The following ANKRD17 variants were observed in gnomAD, a reference collection of about 807,000 sequenced individuals.
The protein encoded by ANKRD17 is ankyrin repeat domain 17, also known as ankyrin repeat domain-containing protein 17.
ANKRD17 carries 19 observed loss-of-function variants against 229.7 expected under a neutral mutation model. The ratio of observed to expected loss-of-function variants is 0.08; its 90% CI spans 0.06 to 0.12. ANKRD17 has a LOEUF of 0.12. Among genes scored for constraint, ANKRD17 ranks in the 10% least tolerant of loss-of-function variants. The pLI is 1.00. For missense variants in ANKRD17, 2,176 were observed against 3,176.8 expected (o/e 0.68, Z 7.57); for synonymous variants, 1,112 against 1,146.1 (o/e 0.97, Z 0.60).
rs150884765 is a variant in ANKRD17, at chr4:73,098,075, T to C, written c.5019A>G (p.Ile1673Met). The C allele has an allele frequency of 6.3e-7, 1 of 1,590,558 alleles. No homozygotes were observed. Among genetic ancestry groups the C allele is most frequent in the East Asian group, 2.2e-5 (1 of 44,452 alleles). ...TGAAAATAAAAATTGGAACTAACTT[T>C]ATTGAAGCCTTGCCAGAAACAGATT... ...ERKSVSGKAS[I>M]KLSETISEGT... is the part of the protein sequence containing the mutation. The change falls in exon 26 of 34, where the codon ATA becomes ATG. Residue 1673 changes from isoleucine to methionine, a missense_variant and splice_region_variant. Physicochemically the swap from Ile to Met is conservative, Grantham distance 10. This residue lies in a region of ANKRD17 where 98 missense variants were observed against 101.0 expected (regional missense o/e 0.97). Coordinates refer to ENST00000358602, the MANE Select transcript of ANKRD17 (RefSeq NM_032217.5).
intron 17 of ANKRD17, 34 bp downstream of exon 17, chr4:73,125,167 G>T (rs1399295603): frequency 1.3e-6 from 2 of 1,588,230 alleles, no homozygotes; most frequent in East Asian, 4.5e-5. Flanking sequence ...TTTTTGACCA[G>T]TATTCCAAAA....
chr4:73,169,334 C>T lies in ANKRD17; in HGVS notation c.548-7986G>A, dbSNP rs528479876. Among the ~76,000 whole-genome samples the T allele has an allele frequency of 2.0e-4, 31 of 152,212 alleles. 1 individual carries two copies. The South Asian group carries it at 5.6e-3, about 28-fold the overall frequency. ...TAAACAGTGAGTGGGAGGGACTGTA[C>T]ATCATGGTTTGAGTGCCAGCTAAGA... is the stretch of plus-strand genomic sequence containing the variant. On this transcript the variant is annotated intron_variant, in intron 2 of 33. Transcript: ENST00000358602.
chr4:73,111,414 G>A (rs1156689041), intron 24 of ANKRD17, among the ~76,000 whole-genome samples: 7 of 152,172 alleles, frequency 4.6e-5, no homozygotes, highest in East Asian at 1.9e-4. Flanking sequence ...AGGTGGGACA[G>A]AAAAGGACGG....
intron 1 of ANKRD17, among the ~76,000 whole-genome samples, chr4:73,233,116 T>C (rs374518240): frequency 2.6e-5 from 4 of 152,172 alleles, no homozygotes; most frequent in South Asian, 2.1e-4. Flanking sequence ...CCATAAGTCT[T>C]GTTACCCTCC....
intron 1 of ANKRD17, among the ~76,000 whole-genome samples, chr4:73,248,376 A>G (rs1744690016): frequency 6.6e-6 from 1 of 152,058 alleles, no homozygotes; most frequent in Non-Finnish European, 1.5e-5. Flanking sequence ...AAATGAACAT[A>G]GATGCCCCAA....
chr4:73,254,866 A>G (rs1393145676), intron 1 of ANKRD17, among the ~76,000 whole-genome samples: 1 of 152,088 alleles, frequency 6.6e-6, no homozygotes, highest in Non-Finnish European at 1.5e-5. Context: ...TAAAGTATCA[A>G]CTCTTGAAAT....
rs1398639600 is a variant in ANKRD17, at chr4:73,085,405, A to C, written c.7003T>G (p.Ser2335Ala). The C allele has an allele frequency of 1.9e-6, 3 of 1,614,150 alleles. No individual in the cohort carries two copies. The highest frequency in any genetic ancestry group is 2.5e-6 in the Non-Finnish European group (3 of 1,180,016). Residue 2335 changes from serine to alanine, a missense_variant, in exon 30 of 34, where the codon TCT (serine) becomes GCT (alanine). By Grantham distance (99) the Ser-to-Ala change is moderately conservative. Coordinates refer to ENST00000358602, the MANE Select transcript of ANKRD17 (RefSeq NM_032217.5). ...GCAAAGTTTCCCAAATGTGTTGAAG[A>C]AGGTGTTACAGAACCATATGGCGAG... The part of the protein sequence containing the change: ...MDSPYGSVTP[S>A]STHLGNFASN...
chr4:73,162,746 A>C (rs1732696619), intron 2 of ANKRD17, among the ~76,000 whole-genome samples: 2 of 152,268 alleles, frequency 1.3e-5, no homozygotes, highest in South Asian at 4.1e-4. Flanking sequence ...GCTCTTTCAG[A>C]TATCCCTATA....
intron 1 of ANKRD17, among the ~76,000 whole-genome samples, chr4:73,229,892 C>A (rs1429553771): frequency 3.3e-5 from 5 of 152,098 alleles, no homozygotes; most frequent in Non-Finnish European, 7.4e-5. Flanking sequence ...ACATTTATTT[C>A]TTTGCCTTCT....
chr4:73,155,942 T>A, intron 4 of ANKRD17, 77 bp downstream of exon 4: 2 of 1,510,900 alleles, frequency 1.3e-6, no homozygotes, highest in South Asian at 2.7e-5. Flanking sequence ...GTTGGAAGGA[T>A]TTATTTTATT....
chr4:73,100,526 A>T (rs2148601997), intron 25 of ANKRD17, among the ~76,000 whole-genome samples: 1 of 152,132 alleles, frequency 6.6e-6, no homozygotes, highest in South Asian at 2.1e-4. Flanking sequence ...CAGTTTGGAA[A>T]ATATAAGTAT....
At chr4:73,158,578 AC>A (rs1395704746) in intron 3 of ANKRD17, among the ~76,000 whole-genome samples, 2 of 152,106 alleles carry the variant, frequency 1.3e-5, no homozygotes, top group African/African-American at 4.8e-5. Context: ...ATGTAATATG[AC>A]CTCTGCTATG....
At chr4:73,213,594 T>A (rs900964272) in intron 1 of ANKRD17, among the ~76,000 whole-genome samples, 1 of 152,204 alleles carries the variant, frequency 6.6e-6, no homozygotes, top group Non-Finnish European at 1.5e-5. Context: ...AAGACAGAGA[T>A]GTACAGATGT....
Position 73,152,884 on chromosome 4 carries a change from C to T in ANKRD17, c.1234+996G>A, listed in dbSNP as rs972208436. Reference sequence around the variant, plus strand: ...TCCCTATCTGAAAATCTATTAACATCAGATAATCAAAAGCACTTTATAAAT... The same window carrying T: ...TCCCTATCTGAAAATCTATTAACATTAGATAATCAAAAGCACTTTATAAAT... On this transcript the variant is annotated intron_variant, in intron 6 of 33. Transcript: ENST00000358602. Among the ~76,000 whole-genome samples the T allele has an allele frequency of 2.0e-5, 3 of 152,126 alleles. No homozygotes were observed. The South Asian group carries it at 6.2e-4, about 32-fold the overall frequency.
intron 16 of ANKRD17, among the ~76,000 whole-genome samples, chr4:73,128,735 C>T (rs1727802082): frequency 6.6e-6 from 1 of 151,944 alleles, no homozygotes; most frequent in East Asian, 1.9e-4. Flanking sequence ...ACATTTAAAG[C>T]TAAGAAAACA....
At chr4:73,194,134 G>A (rs930661839) in intron 1 of ANKRD17, among the ~76,000 whole-genome samples, 6 of 152,042 alleles carry the variant, frequency 3.9e-5, no homozygotes, top group East Asian at 1.9e-4. Context: ...CCAAATTATC[G>A]GGGGTTATTT....
chr4:73,098,848 C>G (rs1367473428), intron 25 of ANKRD17: 1 of 1,518,004 alleles, frequency 6.6e-7, no homozygotes, highest in Admixed American at 1.7e-5. Context: ...TGAAGTCCAG[C>G]CAGCCCTTGG....
intron 25 of ANKRD17, chr4:73,100,919 G>T: frequency 1.0e-6 from 1 of 985,224 alleles, no homozygotes; most frequent in Non-Finnish European, 1.2e-6. Flanking sequence ...AATACAGTCA[G>T]TCCTCTTTAT....
intron 24 of ANKRD17, chr4:73,113,315 A>C: frequency 7.8e-7 from 1 of 1,289,360 alleles, no homozygotes; most frequent in Non-Finnish European, 1.0e-6. Flanking sequence ...AGTCTGCCTG[A>C]AAGAGAAAAG....
Sources: gnomAD v4.1 joint callset for allele counts (sites outside exome capture counted in the v4.1 genomes callset) on GRCh38, gnomAD v4.1.1 for gene constraint, gnomAD v4.1.1 regional missense constraint, MANE v1.5 for transcripts, NCBI Gene and HGNC (gene_info 2026-07-23, HGNC 2026-07-21) for gene names.